Variants in KIF6 observed in about 807,000 individuals in gnomAD.
The protein encoded by KIF6 is kinesin family member 6, also known as kinesin-like protein KIF6.
A neutral mutation model predicts 112.7 loss-of-function variants in KIF6; 106 were observed. That is an observed-to-expected ratio of 0.94 (90% CI 0.80 to 1.11). The LOEUF is 1.11. KIF6 is among the 50% of genes least tolerant of loss of function. The probability of loss-of-function intolerance (pLI) is 0.00; values close to 1 mark genes in which losing one functional copy is unlikely to be tolerated. For synonymous variants in KIF6, 339 were observed against 339.9 expected (o/e 1.00, Z 0.03); for missense variants, 929 against 964.0 (o/e 0.96, Z 0.48).
Position 39,617,757 on chromosome 6 carries a change from G to A in KIF6, c.510-4439C>T, listed in dbSNP as rs185100745. 5.1e-5 allele frequency: 23 copies of A among 455,336 alleles called. No individual in the cohort carries two copies. In the East Asian group the frequency reaches 8.3e-4, roughly 17 times the overall value. 28.2% of individuals were successfully genotyped at this position (455,336 alleles called of 1,614,324 possible). On this transcript the variant is annotated intron_variant, in intron 5 of 22. Coordinates refer to ENST00000287152, the MANE Select transcript of KIF6 (RefSeq NM_145027.6). The stretch of plus-strand genomic sequence containing the variant: ...GGTCATACAGACTAGAGGCCATTCC[G>A]TCTAGACACCCTGACCTAGAGCAAT...
At chr6:39,426,674 C>T (rs1002566832) in intron 14 of KIF6, among the ~76,000 whole-genome samples, 1 of 152,064 alleles carries the variant, frequency 6.6e-6, no homozygotes, top group African/African-American at 2.4e-5. Flanking sequence ...TCACTTGAAT[C>T]TGGGAGGTTG....
chr6:39,396,610 C>T (rs185397036), intron 15 of KIF6, among the ~76,000 whole-genome samples: 2 of 152,190 alleles, frequency 1.3e-5, no homozygotes, highest in African/African-American at 2.4e-5. Flanking sequence ...TAGACTGGCA[C>T]TGCCACCTCC....
At chr6:39,651,505 A>T (rs998975937) in intron 3 of KIF6, among the ~76,000 whole-genome samples, 4 of 152,150 alleles carry the variant, frequency 2.6e-5, no homozygotes, top group Non-Finnish European at 4.4e-5. Context: ...AATTCCTGAG[A>T]GCCCACATAC....
intron 1 of KIF6, among the ~76,000 whole-genome samples, chr6:39,722,265 C>A (rs931070143): frequency 6.6e-6 from 1 of 152,120 alleles, no homozygotes; most frequent in Admixed American, 6.5e-5. Context: ...GCTCAGCAGA[C>A]AGAAAAGAAT....
intron 3 of KIF6, among the ~76,000 whole-genome samples, chr6:39,647,783 T>C (rs1386282479): frequency 6.6e-6 from 1 of 150,738 alleles, no homozygotes; most frequent in Non-Finnish European, 1.5e-5. Flanking sequence ...CTCAGCTCAC[T>C]GCAACCTCCG....
intron 3 of KIF6, among the ~76,000 whole-genome samples, chr6:39,692,925 T>G (rs1397804679): frequency 1.1e-4 from 16 of 152,152 alleles, no homozygotes; most frequent in Admixed American, 7.9e-4. Context: ...CTAGTTAGGA[T>G]AGAAATGAAG....
At chr6:39,458,365 C>T (rs897150083) in intron 13 of KIF6, among the ~76,000 whole-genome samples, 14 of 143,538 alleles carry the variant, frequency 9.8e-5, no homozygotes, top group Admixed American at 2.8e-4. Flanking sequence ...ATTGATGGGA[C>T]GTATTTCAAA....
chr6:39,418,778 T>C (rs966287791), intron 15 of KIF6, among the ~76,000 whole-genome samples: 15 of 152,152 alleles, frequency 9.9e-5, no homozygotes, highest in Admixed American at 7.9e-4. Flanking sequence ...GGGCTCCTGT[T>C]TACCGACCGA....
At position 39,501,419 on chromosome 6, in the gene KIF6, T is replaced by G. The variant is rs1350599811; in HGVS notation, c.1645+38584A>C. Reference sequence around the variant, plus strand: ...AAAACTCAAAAAGCCACAGTGCCCCTTTTCCTCCAATGACCACAACATCTC... The same window carrying G: ...AAAACTCAAAAAGCCACAGTGCCCCGTTTCCTCCAATGACCACAACATCTC... On this transcript the variant is annotated intron_variant, in intron 13 of 22. Coordinates refer to ENST00000287152, the MANE Select transcript of KIF6 (RefSeq NM_145027.6). Among the ~76,000 whole-genome samples the G allele has an allele frequency of 2.0e-5, 3 of 152,286 alleles. No homozygotes were observed. The South Asian group carries it at 6.2e-4, about 32-fold the overall frequency.
intron 3 of KIF6, chr6:39,689,921 T>A (rs376322941): frequency 6.6e-6 from 1 of 152,160 alleles, no homozygotes; most frequent in African/African-American, 2.4e-5. Context: ...CAGTACAGGT[T>A]AACAATAATG....
intron 3 of KIF6, among the ~76,000 whole-genome samples, chr6:39,713,596 T>C (rs1183643407): frequency 1.3e-5 from 2 of 152,028 alleles, no homozygotes; most frequent in Admixed American, 6.5e-5. Flanking sequence ...AGTTTAAAAA[T>C]AAAACACACG....
intron 13 of KIF6, among the ~76,000 whole-genome samples, chr6:39,446,357 A>T (rs556105138): frequency 1.3e-5 from 2 of 152,322 alleles, no homozygotes; most frequent in South Asian, 4.1e-4. Context: ...CCTACCCCTC[A>T]GGCCATGAGC....
rs149440301 is a variant in KIF6, at chr6:39,505,119, C to T, written c.1645+34884G>A. ...AAACTACACTACAAGGCTACAGTAA[C>T]CAAAACAGCATGATACTGGTACAAG... On this transcript the variant is annotated intron_variant, in intron 13 of 22. Transcript: ENST00000287152. 3.7e-4 allele frequency among the ~76,000 whole-genome samples: 56 copies of T among 152,254 alleles called. 2 individuals are homozygous for T. The East Asian group carries it at 8.7e-3, about 24-fold the overall frequency.
At chr6:39,523,063 A>G (rs1341733714) in intron 13 of KIF6, among the ~76,000 whole-genome samples, 1 of 152,214 alleles carries the variant, frequency 6.6e-6, no homozygotes, top group African/African-American at 2.4e-5. Context: ...TAACATATGC[A>G]TAATTTAACC....
chr6:39,461,551 G>A (rs1773476715), intron 13 of KIF6, among the ~76,000 whole-genome samples: 1 of 151,908 alleles, frequency 6.6e-6, no homozygotes, highest in African/African-American at 2.4e-5. Flanking sequence ...ATTTTAATAT[G>A]TTTTATTAAA....
intron 9 of KIF6, among the ~76,000 whole-genome samples, chr6:39,582,695 G>T (rs1007468043): frequency 6.6e-6 from 1 of 152,064 alleles, no homozygotes; most frequent in Admixed American, 6.5e-5. Flanking sequence ...GATTACAGGC[G>T]TGAGCCACCG....
intron 2 of KIF6, among the ~76,000 whole-genome samples, chr6:39,719,169 A>C (rs1454007154): frequency 6.6e-6 from 1 of 152,180 alleles, no homozygotes; most frequent in Non-Finnish European, 1.5e-5. Context: ...AAATACAAAA[A>C]TTAGCTGGGC....
chr6:39,579,542 T>C (rs1781173564), intron 9 of KIF6, among the ~76,000 whole-genome samples: 1 of 152,158 alleles, frequency 6.6e-6, no homozygotes, highest in South Asian at 2.1e-4. Flanking sequence ...CACTTTGCAG[T>C]GTTCTTTTTG....
Position 39,332,513 on chromosome 6 carries a change from A to G in KIF6, c.*4019T>C, listed in dbSNP as rs2113867864. On this transcript the variant is annotated 3_prime_UTR_variant, in exon 23 of 23. Coordinates refer to ENST00000287152, the MANE Select transcript of KIF6 (RefSeq NM_145027.6). Reference sequence around the variant, plus strand: ...TTGTTAGGTGGGACCAGAGCAATCTATCATCTAGGACTAATTTGGCCCCAC... The same window carrying G: ...TTGTTAGGTGGGACCAGAGCAATCTGTCATCTAGGACTAATTTGGCCCCAC... 6.6e-6 allele frequency: 1 copy of G among 152,300 alleles called. No individual in the cohort carries two copies. Among genetic ancestry groups the G allele is most frequent in the Non-Finnish European group, 1.5e-5 (1 of 68,032 alleles). The allele number at this position is 152,300 out of a possible 1,614,324, so 9.4% of individuals were successfully genotyped here.
Sources: allele counts gnomAD v4.1 joint callset (sites outside exome capture counted in the v4.1 genomes callset), GRCh38; gene constraint gnomAD v4.1.1; transcripts MANE v1.5; gene names NCBI Gene and HGNC (gene_info 2026-07-23, HGNC 2026-07-21).